DLGAP2: variants seen among roughly 807,000 people sequenced by gnomAD.
DLGAP2 encodes the protein disks large-associated protein 2.
A neutral mutation model predicts 100.3 loss-of-function variants in DLGAP2; 26 were observed. That is an observed-to-expected ratio of 0.26 (90% CI 0.19 to 0.36). DLGAP2 has a LOEUF of 0.36. Among genes scored for constraint, DLGAP2 ranks in the 10% least tolerant of loss-of-function variants. The pLI is 1.00. For missense variants in DLGAP2, 1,858 were observed against 1,453.2 expected, an observed-to-expected ratio of 1.28 and a Z score of -4.53; for synonymous variants, 886 against 630.1, an observed-to-expected ratio of 1.41 and a Z score of -6.08.
chr8:1,107,981 G>A (rs1245473811), intron 2 of DLGAP2, among the ~76,000 whole-genome samples: 3 of 152,200 alleles, frequency 2.0e-5, no homozygotes, highest in African/African-American at 4.8e-5. Flanking sequence ...AGCGCCTGAA[G>A]CAAATAGAGA....
At chr8:1,566,252 G>A (rs1052292772) in intron 6 of DLGAP2, among the ~76,000 whole-genome samples, 1 of 152,182 alleles carries the variant, frequency 6.6e-6, no homozygotes, top group African/African-American at 2.4e-5. Context: ...GTCTTTGTGA[G>A]TAAAACTCGT....
chr8:1,204,240 T>C (rs1458075734), intron 2 of DLGAP2, among the ~76,000 whole-genome samples: 1 of 152,232 alleles, frequency 6.6e-6, no homozygotes, highest in Non-Finnish European at 1.5e-5. Context: ...CCCTGCGCTG[T>C]GTTAGATTCC....
chr8:959,053 C>T (rs973842429), intron 2 of DLGAP2, among the ~76,000 whole-genome samples: 2 of 152,120 alleles, frequency 1.3e-5, no homozygotes, highest in African/African-American at 4.8e-5. Flanking sequence ...TGATAATATC[C>T]ACATAATTTT....
chr8:778,918 T>C (rs1036660613), intron 1 of DLGAP2, among the ~76,000 whole-genome samples: 2 of 152,178 alleles, frequency 1.3e-5, no homozygotes, highest in Non-Finnish European at 2.9e-5. Context: ...GCCTGGGCAA[T>C]GGTGGGCGCC....
rs372675001 is a variant in DLGAP2 at position 1,008,664 on chromosome 8, GAGAAC to G, written c.73+100701_73+100705del. Among the ~76,000 whole-genome samples the G allele has an allele frequency of 3.5e-4, 54 of 152,268 alleles. No homozygotes were observed. The East Asian group carries it at 9.3e-3, about 26-fold the overall frequency. ...TTCTTACTGTGCCGTAATTAAGCTG[GAGAAC>G]AGCTGTCCGCCTCTGCAGGAGGACT... On this transcript the variant is annotated intron_variant, in intron 2 of 14. Coordinates refer to ENST00000637795, the MANE Select transcript of DLGAP2 (RefSeq NM_001346810.2).
chr8:1,423,780 G>T (rs1372943497), intron 3 of DLGAP2, among the ~76,000 whole-genome samples: 1 of 152,312 alleles, frequency 6.6e-6, no homozygotes, highest in Admixed American at 6.5e-5. Context: ...GGAGCAACGG[G>T]CCCATGCACT....
intron 1 of DLGAP2, among the ~76,000 whole-genome samples, chr8:846,076 A>C (rs1032914206): frequency 1.3e-5 from 2 of 152,256 alleles, no homozygotes; most frequent in Non-Finnish European, 2.9e-5. Flanking sequence ...AAATTGCATA[A>C]TGGGTAAATA....
At chr8:1,341,673 G>A (rs2117082453) in intron 3 of DLGAP2, among the ~76,000 whole-genome samples, 1 of 152,310 alleles carries the variant, frequency 6.6e-6, no homozygotes, top group South Asian at 2.1e-4. Context: ...GGGGCTCCTA[G>A]GGAAACAGAG....
chr8:1,316,946 C>T (rs1314097065), intron 3 of DLGAP2, among the ~76,000 whole-genome samples: 2 of 91,114 alleles, frequency 2.2e-5, no homozygotes, highest in African/African-American at 4.6e-5. Context: ...TCGAGACACT[C>T]GGCAGCGTTT....
At chr8:1,429,997 C>CATATATATATAT (rs1361890198) in intron 3 of DLGAP2, among the ~76,000 whole-genome samples, 709 of 19,340 alleles carry the variant, frequency 0.037, 68 homozygotes, top group Middle Eastern at 0.062. Context: ...GGGAGAGATG[C>CATATATATATAT]ATATATATAC....
chr8:1,273,299 G>A (rs554456634), intron 3 of DLGAP2, among the ~76,000 whole-genome samples: 2 of 152,290 alleles, frequency 1.3e-5, no homozygotes, highest in South Asian at 2.1e-4. Flanking sequence ...CACGTGGGCT[G>A]CTCTGAGAGA....
chr8:1,304,320 A>G (rs1232424785), intron 3 of DLGAP2, among the ~76,000 whole-genome samples: 1 of 152,226 alleles, frequency 6.6e-6, no homozygotes, highest in Non-Finnish European at 1.5e-5. Flanking sequence ...GGCCCTGATG[A>G]TGAAGACGAC....
intron 3 of DLGAP2, among the ~76,000 whole-genome samples, chr8:1,441,172 T>C (rs943504824): frequency 6.6e-6 from 1 of 152,220 alleles, no homozygotes; most frequent in Admixed American, 6.5e-5. Flanking sequence ...ATATAATTGA[T>C]GTGCAATATT....
intron 2 of DLGAP2, among the ~76,000 whole-genome samples, chr8:1,103,080 C>G (rs769444479): frequency 4.0e-5 from 6 of 151,442 alleles, no homozygotes; most frequent in Non-Finnish European, 8.8e-5. Context: ...GTCTTCGTAA[C>G]TTTCTGGGGG....
intron 3 of DLGAP2, chr8:1,368,547 C>T (rs987703816): frequency 1.3e-5 from 2 of 152,086 alleles, no homozygotes; most frequent in Admixed American, 6.5e-5. Context: ...TCAAGCCTGA[C>T]CTCCATTTAT....
intron 2 of DLGAP2, among the ~76,000 whole-genome samples, chr8:1,184,168 C>T (rs1475154093): frequency 6.6e-6 from 1 of 152,166 alleles, no homozygotes; most frequent in African/African-American, 2.4e-5. Flanking sequence ...TTTATGCAAC[C>T]GTCATGCCTC....
At chr8:979,678 C>G (rs1563125770) in intron 2 of DLGAP2, among the ~76,000 whole-genome samples, 1 of 152,202 alleles carries the variant, frequency 6.6e-6, no homozygotes, top group Non-Finnish European at 1.5e-5. Flanking sequence ...TTGGTGGAAA[C>G]TAGGTGTGAA....
chr8:1,376,680 TCGG>T (rs1802396927), intron 3 of DLGAP2, among the ~76,000 whole-genome samples: 1 of 124,146 alleles, frequency 8.1e-6, no homozygotes, highest in Non-Finnish European at 1.7e-5. Flanking sequence ...TGTGTGGTCA[TCGG>T]CGGATGGCGG....
chr8:1,185,242 C>T (rs73537222), intron 2 of DLGAP2, among the ~76,000 whole-genome samples: 18,250 of 152,014 alleles, frequency 0.12, 2,167 homozygotes, highest in African/African-American at 0.31. Context: ...TTTTCTAGCC[C>T]GATATAATGG....
Sources: gnomAD v4.1 joint callset for allele counts (sites outside exome capture counted in the v4.1 genomes callset) on GRCh38, gnomAD v4.1.1 for gene constraint, MANE v1.5 for transcripts, NCBI Gene and HGNC (gene_info 2026-07-23, HGNC 2026-07-21) for gene names.